The following EPS15 variants were observed in gnomAD, a reference collection of about 807,000 sequenced individuals.
The protein encoded by EPS15 is epidermal growth factor receptor substrate 15.
Under a neutral mutation model 113.8 loss-of-function variants are expected in EPS15, and 72 were observed. The ratio of observed to expected loss-of-function variants is 0.63; its 90% CI spans 0.52 to 0.77. The LOEUF (loss-of-function observed/expected upper bound fraction) is 0.77. EPS15 is among the 30% of genes least tolerant of loss of function. The pLI is 0.00. For synonymous variants in EPS15, 344 were observed against 363.4 expected (o/e 0.95, Z 0.61); for missense variants, 1,048 against 1,045.8 (o/e 1.00, Z -0.03).
At chr1:51,459,367 C>T (rs1654257946) in intron 8 of EPS15, among the ~76,000 whole-genome samples, 1 of 152,054 alleles carries the variant, frequency 6.6e-6, no homozygotes, top group Non-Finnish European at 1.5e-5. Context: ...TGTGGTGGTG[C>T]ACTTCTGTAA....
chr1:51,407,956 T>C (rs977982086), intron 15 of EPS15, among the ~76,000 whole-genome samples, 179 bp downstream of exon 15: 3 of 152,178 alleles, frequency 2.0e-5, no homozygotes, highest in African/African-American at 4.8e-5. Flanking sequence ...CAGATAGATA[T>C]ACAAGATGTA....
At chr1:51,423,967 C>A (rs1232608528) in intron 12 of EPS15, among the ~76,000 whole-genome samples, 2 of 152,002 alleles carry the variant, frequency 1.3e-5, no homozygotes, top group Admixed American at 1.3e-4. Flanking sequence ...ATGGTGTTAT[C>A]TCTAATCATA....
intron 1 of EPS15, among the ~76,000 whole-genome samples, chr1:51,510,899 T>C (rs1256514398): frequency 2.0e-5 from 3 of 152,214 alleles, no homozygotes; most frequent in Non-Finnish European, 2.9e-5. Flanking sequence ...GCACGATGGC[T>C]CACGCCTGTA....
chr1:51,431,458 T>C (rs957538296), intron 12 of EPS15, among the ~76,000 whole-genome samples: 1 of 151,938 alleles, frequency 6.6e-6, no homozygotes, highest in African/African-American at 2.4e-5. Flanking sequence ...TTTCTTTTTT[T>C]TTTTGGAGAC....
At position 51,466,486 on chromosome 1, in the gene EPS15, G is replaced by C. The variant is rs1322898451; in HGVS notation, c.310-1160C>G. On this transcript the variant is annotated intron_variant, in intron 5 of 24. Transcript: ENST00000371733. Reference sequence around the variant, plus strand: ...CCAAAAAAAAAATTTAGCCGGGTGTGGTGGTGGGTGCCTGTAATCCCAGCT... The same window carrying C: ...CCAAAAAAAAAATTTAGCCGGGTGTCGTGGTGGGTGCCTGTAATCCCAGCT... Among the ~76,000 whole-genome samples, 4 of 151,630 alleles carry C rather than the reference G, an allele frequency of 2.6e-5. No homozygotes were observed. In the East Asian group the frequency reaches 7.7e-4, roughly 29 times the overall value.
chr1:51,411,132 A>G (rs1470463296), intron 13 of EPS15, among the ~76,000 whole-genome samples: 2 of 152,240 alleles, frequency 1.3e-5, no homozygotes, highest in Admixed American at 1.3e-4. Flanking sequence ...AAATATATGC[A>G]GATGTTTCTG....
intron 21 of EPS15, among the ~76,000 whole-genome samples, chr1:51,380,449 G>C (rs1646915870): frequency 6.6e-6 from 1 of 152,150 alleles, no homozygotes; most frequent in Non-Finnish European, 1.5e-5. Context: ...CTGTAAAGGA[G>C]TGGTTTTGGA....
intron 1 of EPS15, among the ~76,000 whole-genome samples, chr1:51,488,489 A>AC (rs1644168060): frequency 6.6e-6 from 1 of 151,182 alleles, no homozygotes. Flanking sequence ...AAAAAAAAAA[A>AC]AAAAAAACTC....
chr1:51,402,436 G>T lies in EPS15; in HGVS notation c.1881C>A (p.Gly627=). ...LDFFQSDPFV[G]SDPFKDDPFG... is the part of the protein sequence containing the mutation. ...TAATATAAAAAAAAGAGTACTTACT[G>T]CCAACAAAAGGATCAGACTGGAAAA... is the stretch of plus-strand genomic sequence containing the variant. Residue 627 remains glycine (G), a splice_region_variant and synonymous_variant, in exon 18 of 25, where the codon GGC becomes GGA. Transcript: ENST00000371733. The T allele has an allele frequency of 6.5e-7, 1 of 1,527,670 alleles. No homozygotes were observed. Among genetic ancestry groups the T allele is most frequent in the Non-Finnish European group, 8.9e-7 (1 of 1,120,248 alleles). 94.6% of individuals were successfully genotyped at this position (1,527,670 alleles called of 1,614,324 possible).
chr1:51,467,218 T>C (rs1409291059), intron 5 of EPS15, among the ~76,000 whole-genome samples: 1 of 152,144 alleles, frequency 6.6e-6, no homozygotes, highest in Admixed American at 6.5e-5. Context: ...CTCAAACAAT[T>C]GCTGGAGGGA....
rs563487028 is a variant in EPS15, at chr1:51,496,612, C to A, written c.34-15298G>T. On this transcript the variant is annotated intron_variant, in intron 1 of 24. Coordinates refer to ENST00000371733, the MANE Select transcript of EPS15 (RefSeq NM_001981.3). ...TCTGAAGATTCTTCTGAATTGCTTT[C>A]GGCAATTATGCCCAGAATCAGACAG... 2.6e-5 allele frequency among the ~76,000 whole-genome samples: 4 copies of A among 152,172 alleles called. No individual in the cohort carries two copies. In the East Asian group the frequency reaches 7.7e-4, roughly 29 times the overall value.
intron 12 of EPS15, among the ~76,000 whole-genome samples, chr1:51,427,266 G>T (rs116262174): frequency 6.6e-6 from 1 of 152,134 alleles, no homozygotes; most frequent in South Asian, 2.1e-4. Flanking sequence ...TATGAAGAGC[G>T]ATAGGGAAAA....
At chr1:51,372,293 G>C in intron 21 of EPS15, 1 of 508,830 alleles carries the variant, frequency 2.0e-6, no homozygotes, top group Non-Finnish European at 4.0e-6. Flanking sequence ...AGAAGGCAGT[G>C]GTCCACCTTC....
chr1:51,518,965 G>T (rs555527430), intron 1 of EPS15, among the ~76,000 whole-genome samples: 55 of 151,428 alleles, frequency 3.6e-4, no homozygotes, highest in Non-Finnish European at 7.2e-4. Context: ...GCGCGGGGCG[G>T]GGCAGGAGGC....
intron 21 of EPS15, among the ~76,000 whole-genome samples, chr1:51,389,787 T>A (rs1647207464): frequency 6.6e-6 from 1 of 152,158 alleles, no homozygotes; most frequent in African/African-American, 2.4e-5. Flanking sequence ...CAAGGAGAAC[T>A]ACAAACCACT....
chr1:51,415,875 T>C (rs542035165), intron 13 of EPS15, among the ~76,000 whole-genome samples: 1 of 140,250 alleles, frequency 7.1e-6, no homozygotes, highest in Non-Finnish European at 1.5e-5. Flanking sequence ...CTTTCCAGTA[T>C]ACAGAATTAA....
At chr1:51,375,240 A>T in intron 21 of EPS15, among the ~76,000 whole-genome samples, 1 of 149,746 alleles carries the variant, frequency 6.7e-6, no homozygotes, top group Non-Finnish European at 1.5e-5. Flanking sequence ...TGACCTTGTG[A>T]TCCACCTGCC....
At chr1:51,378,545 C>A (rs74603611) in intron 21 of EPS15, among the ~76,000 whole-genome samples, 4,862 of 152,162 alleles carry the variant, frequency 0.032, 127 homozygotes, top group Non-Finnish European at 0.05. Flanking sequence ...CTAAAAAAAT[C>A]TAATTCATCC....
intron 16 of EPS15, among the ~76,000 whole-genome samples, chr1:51,404,093 TCC>T (rs1292135701): frequency 6.6e-6 from 1 of 152,046 alleles, no homozygotes; most frequent in East Asian, 1.9e-4. Flanking sequence ...ACACCTGTAA[TCC>T]CAGCACTTTG....
Sources: gnomAD v4.1 joint callset for allele counts (sites outside exome capture counted in the v4.1 genomes callset) on GRCh38, gnomAD v4.1.1 for gene constraint, MANE v1.5 for transcripts, NCBI Gene and HGNC (gene_info 2026-07-23, HGNC 2026-07-21) for gene names.